CDH13: variants seen among roughly 807,000 people sequenced by gnomAD.
CDH13 encodes the protein cadherin 13.
CDH13 carries 24 observed loss-of-function variants against 63.8 expected under a neutral mutation model. The ratio of observed to expected loss-of-function variants is 0.38; its 90% CI spans 0.27 to 0.53. The LOEUF is 0.53. Among genes scored for constraint, CDH13 ranks in the 20% least tolerant of loss-of-function variants. The pLI, the probability that CDH13 is intolerant of heterozygous loss-of-function variation, is 0.85. For synonymous variants in CDH13, 503 were observed against 355.3 expected, an observed-to-expected ratio of 1.42 and a Z score of -4.67; for missense variants, 1,049 against 903.1, an observed-to-expected ratio of 1.16 and a Z score of -2.07.
chr16:83,086,319 A>C (rs1422714634), intron 3 of CDH13, among the ~76,000 whole-genome samples: 1 of 152,240 alleles, frequency 6.6e-6, no homozygotes, highest in African/African-American at 2.4e-5. Flanking sequence ...CAGTATTTCA[A>C]TTCCAGATCT....
intron 3 of CDH13, among the ~76,000 whole-genome samples, chr16:83,052,562 C>G (rs558411382): frequency 6.6e-6 from 1 of 152,204 alleles, no homozygotes; most frequent in East Asian, 1.9e-4. Flanking sequence ...GGCAGATCAC[C>G]TGGGGTCACG....
At chr16:83,255,668 G>A (rs1320361127) in intron 5 of CDH13, among the ~76,000 whole-genome samples, 4 of 152,122 alleles carry the variant, frequency 2.6e-5, no homozygotes, top group African/African-American at 7.2e-5. Context: ...GGCCTGCTAG[G>A]ATAAATACGG....
At chr16:83,225,006 T>C (rs1012494321) in intron 5 of CDH13, among the ~76,000 whole-genome samples, 2 of 152,156 alleles carry the variant, frequency 1.3e-5, no homozygotes, top group African/African-American at 4.8e-5. Context: ...CACTGGGCAG[T>C]TTCAAACTGT....
In CDH13 at chr16:83,676,284, C is replaced by G. The variant is rs1003524304; in HGVS notation, c.1285-1924C>G. Reference sequence around the variant, plus strand: ...CGGCTGTGGAGAATCAGATGTCAGACCAAACTAGGCCAAGATTGTGATTAG... The same window carrying G: ...CGGCTGTGGAGAATCAGATGTCAGAGCAAACTAGGCCAAGATTGTGATTAG... On this transcript the variant is annotated intron_variant, in intron 9 of 13. Coordinates refer to ENST00000567109, the MANE Select transcript of CDH13 (RefSeq NM_001257.5). 3.3e-5 allele frequency among the ~76,000 whole-genome samples: 5 copies of G among 152,290 alleles called. No homozygotes were observed. The East Asian group carries it at 7.7e-4, about 24-fold the overall frequency.
intron 12 of CDH13, among the ~76,000 whole-genome samples, chr16:83,781,355 T>C (rs1764031077): frequency 6.6e-6 from 1 of 152,244 alleles, no homozygotes; most frequent in African/African-American, 2.4e-5. Flanking sequence ...AGACACTATG[T>C]CTTCAATAAT....
At chr16:83,298,418 G>A (rs16960189) in intron 5 of CDH13, among the ~76,000 whole-genome samples, 3,303 of 152,180 alleles carry the variant, frequency 0.022, 124 homozygotes, top group African/African-American at 0.074. Context: ...TTAGACAATA[G>A]GCATCAAAAT....
At chr16:83,360,020 G>T (rs770280829) in intron 6 of CDH13, among the ~76,000 whole-genome samples, 2 of 152,208 alleles carry the variant, frequency 1.3e-5, no homozygotes, top group Non-Finnish European at 2.9e-5. Context: ...CATAGAGAGA[G>T]AGTACATAGT....
intron 2 of CDH13, among the ~76,000 whole-genome samples, chr16:83,000,253 T>A (rs1222658803): frequency 1.8e-5 from 2 of 109,434 alleles, no homozygotes; most frequent in East Asian, 2.4e-4. Context: ...TTTTTTTTTT[T>A]TTTTTTTTTT....
Position 82,753,581 on chromosome 16 carries a change from CA to C in CDH13, c.46-104772del, listed in dbSNP as rs897048930. ...CAAGATATCCAAAACAATTCTCCAT[CA>C]AAAAAAAATTCTTTATAGCCAAATG... On this transcript the variant is annotated intron_variant, in intron 1 of 13. Coordinates refer to ENST00000567109, the MANE Select transcript of CDH13 (RefSeq NM_001257.5). Among the ~76,000 whole-genome samples, 58 of 151,602 alleles carry C rather than the reference CA, an allele frequency of 3.8e-4. 1 individual carries two copies. Among genetic ancestry groups the C allele is most frequent in the Non-Finnish European group, 3.4e-4 (23 of 67,840 alleles).
chr16:83,338,752 C>T (rs1008782219), intron 5 of CDH13, among the ~76,000 whole-genome samples: 3 of 152,134 alleles, frequency 2.0e-5, no homozygotes, highest in African/African-American at 7.2e-5. Context: ...GTAAAAATAC[C>T]TGCAAGAAAG....
intron 3 of CDH13, among the ~76,000 whole-genome samples, chr16:83,104,763 G>T (rs184610765): frequency 6.6e-6 from 1 of 152,318 alleles, no homozygotes; most frequent in Non-Finnish European, 1.5e-5. Flanking sequence ...GGTGGTTAGT[G>T]TGGGAGACAG....
intron 4 of CDH13, among the ~76,000 whole-genome samples, chr16:83,194,774 T>C (rs1443975523): frequency 3.9e-5 from 6 of 152,172 alleles, no homozygotes; most frequent in African/African-American, 1.2e-4. Context: ...GTTGGGAGCA[T>C]TACCTGAGAC....
At chr16:82,840,435 C>A (rs550318331) in intron 1 of CDH13, among the ~76,000 whole-genome samples, 9 of 150,784 alleles carry the variant, frequency 6.0e-5, no homozygotes, top group Admixed American at 4.0e-4. Flanking sequence ...GTAATCCCAG[C>A]ACTTTGGGAG....
At chr16:83,238,465 TGGG>T (rs1398207830) in intron 5 of CDH13, among the ~76,000 whole-genome samples, 1 of 152,208 alleles carries the variant, frequency 6.6e-6, no homozygotes, top group South Asian at 2.1e-4. Flanking sequence ...TCCCATGACA[TGGG>T]GGGATTGTGG....
intron 3 of CDH13, among the ~76,000 whole-genome samples, chr16:83,099,249 A>C (rs72798327): frequency 0.055 from 8,396 of 152,260 alleles, 287 homozygotes; most frequent in Non-Finnish European, 0.072. Flanking sequence ...TTAAATGTTA[A>C]CTATTACATA....
rs528633832 is a variant in CDH13, at chr16:83,786,832, C to A, written c.2134+3360C>A. ...CAAACCCCTGACCTCAGGTAATCTG[C>A]CTGCCTCGGCCTCCCAAAGTGCTAG... On this transcript the variant is annotated intron_variant, in intron 13 of 13. Coordinates refer to ENST00000567109, the MANE Select transcript of CDH13 (RefSeq NM_001257.5). Among the ~76,000 whole-genome samples the A allele has an allele frequency of 3.8e-3, 574 of 152,276 alleles. 2 individuals carry two copies. Among genetic ancestry groups the A allele is most frequent in the African/African-American group, 0.013 (559 of 41,544 alleles).
At chr16:82,863,127 A>C (rs1174572601) in intron 2 of CDH13, among the ~76,000 whole-genome samples, 2 of 152,192 alleles carry the variant, frequency 1.3e-5, no homozygotes, top group Non-Finnish European at 2.9e-5. Flanking sequence ...ATCCTAACAA[A>C]ATGATGTCGC....
intron 5 of CDH13, among the ~76,000 whole-genome samples, chr16:83,274,639 G>T (rs2088927610): frequency 6.6e-6 from 1 of 152,162 alleles, no homozygotes; most frequent in Non-Finnish European, 1.5e-5. Flanking sequence ...CTTGCTGAAT[G>T]AGTTGAAAAT....
chr16:83,681,877 A>G (rs900571147), intron 10 of CDH13, among the ~76,000 whole-genome samples: 1 of 140,632 alleles, frequency 7.1e-6, no homozygotes, highest in Non-Finnish European at 1.6e-5. Context: ...ACGGCCTTCC[A>G]AGTTGTGATG....
Sources: gnomAD v4.1 joint callset for allele counts (sites outside exome capture counted in the v4.1 genomes callset) on GRCh38, gnomAD v4.1.1 for gene constraint, MANE v1.5 for transcripts, NCBI Gene and HGNC (gene_info 2026-07-23, HGNC 2026-07-21) for gene names.